RACGAP1: variants seen among roughly 807,000 people sequenced by gnomAD.
RACGAP1 encodes the protein Rac GTPase activating protein 1.
Under a neutral mutation model 78.1 loss-of-function variants are expected in RACGAP1, and 30 were observed. The ratio of observed to expected loss-of-function variants is 0.38; its 90% confidence interval spans 0.29 to 0.52. RACGAP1 has a LOEUF of 0.52. Among genes scored for constraint, RACGAP1 ranks in the 20% least tolerant of loss-of-function variants. The pLI is 0.82. For missense variants in RACGAP1, 587 were observed against 777.1 expected (o/e 0.76, Z 2.91); for synonymous variants, 231 against 264.8 (o/e 0.87, Z 1.24).
intron 12 of RACGAP1, 55 bp downstream of exon 12, chr12:49,994,072 GAGTA>G (rs2137258444): frequency 1.4e-6 from 2 of 1,421,664 alleles, no homozygotes; most frequent in Admixed American, 2.1e-5. Flanking sequence ...AAAATAAAGA[GAGTA>G]AGAAAAACTA....
At chr12:50,022,966 C>T (rs1761123263) in intron 1 of RACGAP1, among the ~76,000 whole-genome samples, 2 of 152,212 alleles carry the variant, frequency 1.3e-5, no homozygotes, top group Admixed American at 1.3e-4. Context: ...CATTACCCTG[C>T]TTTACTTTGT....
intron 2 of RACGAP1, among the ~76,000 whole-genome samples, chr12:50,010,512 A>T (rs903515165): frequency 2.6e-5 from 4 of 151,780 alleles, no homozygotes; most frequent in Non-Finnish European, 4.4e-5. Flanking sequence ...TTTAGTAGAG[A>T]CGGGGTTTCA....
chr12:50,001,354 T>C (rs1240251340), intron 6 of RACGAP1, 102 bp from the exon 7 acceptor site: 2 of 842,780 alleles, frequency 2.4e-6, no homozygotes, highest in East Asian at 2.6e-5. Context: ...TCCTGGGGAT[T>C]AGGGCTACAG....
rs745311071 is a variant in RACGAP1 at position 49,992,089 on chromosome 12, C to G, written c.1623G>C (p.Gln541His). The G allele has an allele frequency of 6.2e-7, 1 of 1,614,116 alleles. No individual in the cohort carries two copies. The highest frequency in any genetic ancestry group is 1.1e-5 in the South Asian group (1 of 91,072). The change falls in exon 15 of 17, where the codon CAG (glutamine) becomes CAC (histidine). Residue 541 changes from glutamine to histidine, a missense_variant. Physicochemically the swap from Gln to His is conservative, Grantham distance 24. Transcript: ENST00000312377. ...LLSLPLEYWSQFMMVEQENID... is the reference protein window; with the variant it reads ...LLSLPLEYWSHFMMVEQENID... Reference sequence around the variant, plus strand: ...TGTTCTCTTGCTCCACCATCATGAACTGACTCCAATACTCCAGAGGCAAGG... The same window carrying G: ...TGTTCTCTTGCTCCACCATCATGAAGTGACTCCAATACTCCAGAGGCAAGG...
chr12:49,999,115 AAC>A (rs1948490731), intron 9 of RACGAP1, 24 bp downstream of exon 9: 1 of 1,562,510 alleles, frequency 6.4e-7, no homozygotes. Flanking sequence ...AAAAAATTAA[AAC>A]ACAAACAACA....
intron 5 of RACGAP1, among the ~76,000 whole-genome samples, chr12:50,003,475 A>G (rs1948803979): frequency 6.6e-6 from 1 of 152,254 alleles, no homozygotes; most frequent in African/African-American, 2.4e-5. Context: ...CAAACACTGA[A>G]TCTGAACAGA....
chr12:50,024,584 TAA>T (rs1950181533), intron 1 of RACGAP1, among the ~76,000 whole-genome samples: 1 of 152,120 alleles, frequency 6.6e-6, no homozygotes, highest in Non-Finnish European at 1.5e-5. Context: ...ATGGGGACAC[TAA>T]GAGACCAGAC....
upstream of RACGAP1, among the ~76,000 whole-genome samples, chr12:50,026,349 TAA>T (rs59207359): frequency 1.6e-4 from 23 of 142,440 alleles, no homozygotes; most frequent in African/African-American, 2.8e-4. Flanking sequence ...GTCCTTAATT[TAA>T]AAAAAAAAAA....
At chr12:50,015,741 G>A (rs1238168665) in intron 2 of RACGAP1, among the ~76,000 whole-genome samples, 1 of 151,744 alleles carries the variant, frequency 6.6e-6, no homozygotes, top group African/African-American at 2.4e-5. Context: ...GGCGGAGCTT[G>A]CAGTGAGCCG....
At chr12:50,020,263 C>CG (rs1555178929) in intron 1 of RACGAP1, among the ~76,000 whole-genome samples, 1 of 151,862 alleles carries the variant, frequency 6.6e-6, no homozygotes, top group Non-Finnish European at 1.5e-5. Flanking sequence ...CCGCAACTTC[C>CG]ATTTTCAGGG....
At position 50,016,688 on chromosome 12, in the gene RACGAP1, T is replaced by C; in HGVS notation, c.28A>G (p.Asn10Asp). The change falls in exon 2 of 17, where the codon AAT (asparagine) becomes GAT (aspartate). Residue 10 changes from asparagine (N) to aspartate (D), a missense_variant. Transcript: ENST00000312377. Reference protein sequence around the residue: MDTMMLNVRNLFEQLVRRVE... With the variant: MDTMMLNVRDLFEQLVRRVE... ...CGGCGCACAAGCTGCTCAAACAGAT[T>C]CCGCACATTCAGCATCATAGTATCC... The C allele has an allele frequency of 6.2e-7, 1 of 1,613,980 alleles. No individual in the cohort carries two copies. The highest frequency in any genetic ancestry group is 1.1e-5 in the South Asian group (1 of 91,080).
intron 1 of RACGAP1, among the ~76,000 whole-genome samples, chr12:50,022,668 A>C (rs1950074194): frequency 6.6e-6 from 1 of 152,200 alleles, no homozygotes; most frequent in Admixed American, 6.5e-5. Context: ...GTACCATCTG[A>C]TCTAATCTTT....
chr12:50,026,177 C>T (rs1010931885), upstream of RACGAP1, among the ~76,000 whole-genome samples: 5 of 152,106 alleles, frequency 3.3e-5, no homozygotes, highest in African/African-American at 1.2e-4. Flanking sequence ...ATACATTTTA[C>T]GTTGCAACCG....
chr12:49,990,898 T>C, intron 15 of RACGAP1, 106 bp from the exon 16 acceptor site: 1 of 766,030 alleles, frequency 1.3e-6, no homozygotes, highest in South Asian at 1.7e-5. Flanking sequence ...AGAGCTAAGG[T>C]TAGACATCTA....
intron 2 of RACGAP1, among the ~76,000 whole-genome samples, chr12:50,008,920 G>C (rs1053754178): frequency 2.6e-5 from 4 of 152,122 alleles, no homozygotes; most frequent in African/African-American, 9.7e-5. Context: ...GCACTGTTTT[G>C]GTCAGTTGGT....
chr12:50,005,078 A>T (rs1948892593), intron 4 of RACGAP1, among the ~76,000 whole-genome samples, 178 bp downstream of exon 4: 1 of 152,220 alleles, frequency 6.6e-6, no homozygotes. Context: ...AATAAAATAA[A>T]ATAAAATATA....
chr12:50,000,582 C>T (rs1948613214), intron 7 of RACGAP1, among the ~76,000 whole-genome samples: 1 of 151,936 alleles, frequency 6.6e-6, no homozygotes, highest in Admixed American at 6.5e-5. Context: ...TCCTGGGCAG[C>T]AAGGAGAGAC....
chr12:50,025,385 C>T lies in RACGAP1; in HGVS notation c.-5+13G>A, dbSNP rs774800995. 99 of 985,596 alleles carry T rather than the reference C, an allele frequency of 1.0e-4. No homozygotes were observed. Among genetic ancestry groups the T allele is most frequent in the Non-Finnish European group, 1.1e-4 (94 of 830,160 alleles). The allele number at this position is 985,596 out of a possible 1,614,324, so 61.1% of individuals were successfully genotyped here. On this transcript the variant is annotated intron_variant, in intron 1 of 16. Coordinates refer to ENST00000312377, the MANE Select transcript of RACGAP1 (RefSeq NM_001319999.2). ...GCGGCAGACGCACCTGGTCTGGCAC[C>T]CCCACTACTCACTTCAGTCAGCCTG... is the stretch of plus-strand genomic sequence containing the variant.
At chr12:50,013,288 C>T (rs1482712076) in intron 2 of RACGAP1, among the ~76,000 whole-genome samples, 2 of 152,092 alleles carry the variant, frequency 1.3e-5, no homozygotes, top group Non-Finnish European at 2.9e-5. Context: ...TGCCCAAATC[C>T]TCATAGCACT....
Sources: allele counts gnomAD v4.1 joint callset (sites outside exome capture counted in the v4.1 genomes callset), GRCh38; gene constraint gnomAD v4.1.1; transcripts MANE v1.5; gene names NCBI Gene and HGNC (gene_info 2026-07-23, HGNC 2026-07-21).